The following PATJ variants were observed in gnomAD, a reference collection of about 807,000 sequenced individuals.
PATJ encodes inaD-like protein.
In PATJ, 190 loss-of-function variants were observed where a neutral mutation model predicts 224.9. The ratio of observed to expected loss-of-function variants is 0.84; its 90% confidence interval spans 0.75 to 0.95. The LOEUF is 0.95. Among genes scored for constraint, PATJ ranks in the 40% least tolerant of loss-of-function variants. The probability of loss-of-function intolerance (pLI) is 0.00; values close to 1 mark genes in which losing one functional copy is unlikely to be tolerated. For synonymous variants in PATJ, 769 were observed against 820.3 expected, an observed-to-expected ratio of 0.94 and a Z score of 1.07; for missense variants, 2,121 against 2,270.3, an observed-to-expected ratio of 0.93 and a Z score of 1.34.
chr1:62,161,152 A>T lies in PATJ; in HGVS notation c.*98A>T. ...TGAAAAGCACCCTCAACTAAAATGC[A>T]CCTTCATTCTTATTTCTTGCCCTCT... On this transcript the variant is annotated 3_prime_UTR_variant, in exon 44 of 44. Transcript: ENST00000642238. 1 of 939,374 alleles carries T rather than the reference A, an allele frequency of 1.1e-6. No individual in the cohort carries two copies. Among genetic ancestry groups the T allele is most frequent in the Non-Finnish European group, 1.4e-6 (1 of 693,378 alleles). 58.2% of individuals were successfully genotyped at this position (939,374 alleles called of 1,614,324 possible). A position where few individuals can be genotyped will look rare whatever the true frequency, so the allele number is the denominator to read the frequency against.
Position 61,791,460 on chromosome 1 carries a change from T to C in PATJ, c.1168+13T>C. The C allele has an allele frequency of 1.4e-6, 2 of 1,462,930 alleles. No individual in the cohort carries two copies. The highest frequency in any genetic ancestry group is 2.3e-5 in the South Asian group (2 of 85,526). The allele number at this position is 1,462,930 out of a possible 1,614,324, so 90.6% of individuals were successfully genotyped here. A position where few individuals can be genotyped will look rare whatever the true frequency, so the allele number is the denominator to read the frequency against. ...ACATCTCATACAGGTAAATGAATCA[T>C]TTCTATTTTATATTTGGAAATTGTA... On this transcript the variant is annotated intron_variant, in intron 9 of 43. Transcript: ENST00000642238.
At chr1:62,009,508 A>C (rs565736577) in intron 28 of PATJ, among the ~76,000 whole-genome samples, 127 of 152,294 alleles carry the variant, frequency 8.3e-4, no homozygotes, top group Non-Finnish European at 1.5e-3. Flanking sequence ...TCTCGCCTCC[A>C]TGTTGATGGT....
intron 38 of PATJ, 40 bp downstream of exon 38, chr1:62,121,335 C>T (rs76316537): frequency 9.1e-6 from 10 of 1,093,310 alleles, no homozygotes; most frequent in South Asian, 1.4e-5. Flanking sequence ...TATCCTGTTA[C>T]CCAAATTAAA....
rs1007069369 is a variant in PATJ, at chr1:62,121,232, A to G, written c.4942A>G (p.Ile1648Val). 5.6e-6 allele frequency: 9 copies of G among 1,613,892 alleles called. No homozygotes were observed. The highest frequency in any genetic ancestry group is 5.0e-5 in the Admixed American group (3 of 59,968). ...SSCHPSFAPV[I>V]TGLQNLVGTK... Reference sequence around the variant, plus strand: ...CTGTCATCCCTCCTTCGCTCCTGTCATCACTGGCCTGCAAAACCTGGTTGG... The same window carrying G: ...CTGTCATCCCTCCTTCGCTCCTGTCGTCACTGGCCTGCAAAACCTGGTTGG... The change falls in exon 38 of 44, where the codon ATC (isoleucine) becomes GTC (valine). Residue 1648 changes from isoleucine to valine, a missense_variant. Physicochemically the swap from Ile to Val is conservative, Grantham distance 29. Coordinates refer to ENST00000642238, the MANE Select transcript of PATJ (RefSeq NM_001350145.3).
At chr1:61,914,388 G>A (rs1459705197) in intron 25 of PATJ, among the ~76,000 whole-genome samples, 199 bp from the exon 26 acceptor site, 2 of 152,136 alleles carry the variant, frequency 1.3e-5, no homozygotes, top group South Asian at 2.1e-4. Context: ...CCCAGGAGGC[G>A]GAGGTTACAG....
intron 1 of PATJ, among the ~76,000 whole-genome samples, chr1:61,745,925 T>G (rs532537712): frequency 1.2e-3 from 185 of 151,156 alleles, no homozygotes; most frequent in Admixed American, 2.7e-3. Context: ...TTTTAAAAAT[T>G]TTTATTCATT....
At chr1:61,846,444 CT>C (rs1012067321) in intron 17 of PATJ, among the ~76,000 whole-genome samples, 2 of 152,128 alleles carry the variant, frequency 1.3e-5, no homozygotes, top group Non-Finnish European at 2.9e-5. Flanking sequence ...ACTAATACAA[CT>C]TTTTTCTGGA....
chr1:61,885,163 C>A (rs1320189539), intron 22 of PATJ, among the ~76,000 whole-genome samples: 1 of 152,012 alleles, frequency 6.6e-6, no homozygotes, highest in East Asian at 1.9e-4. Flanking sequence ...GCAACAAAAG[C>A]CAAAATTGAC....
chr1:62,060,516 C>T (rs1460567532), intron 31 of PATJ, among the ~76,000 whole-genome samples: 1 of 151,822 alleles, frequency 6.6e-6, no homozygotes, highest in African/African-American at 2.4e-5. Context: ...TACAGGCGCA[C>T]AGTACCATAC....
chr1:61,808,290 A>G (rs1300201200), intron 13 of PATJ, among the ~76,000 whole-genome samples, 184 bp from the exon 14 acceptor site: 2 of 152,224 alleles, frequency 1.3e-5, no homozygotes, highest in Non-Finnish European at 2.9e-5. Flanking sequence ...AACAACAACA[A>G]AAAAATCAAA....
rs116029590 is a variant in PATJ, at chr1:62,004,374, C to T, written c.3868-13482C>T. Among the ~76,000 whole-genome samples, 1,310 of 152,122 alleles carry T rather than the reference C, an allele frequency of 8.6e-3. 19 individuals are homozygous for T. Among genetic ancestry groups the T allele is most frequent in the African/African-American group, 0.03 (1,239 of 41,486 alleles). On this transcript the variant is annotated intron_variant, in intron 28 of 43. Transcript: ENST00000642238. ...AATAAATGGGTGAATATTCAACATA[C>T]CTATTATACTTTTATTGGAATATTT... is the stretch of plus-strand genomic sequence containing the variant.
intron 25 of PATJ, among the ~76,000 whole-genome samples, chr1:61,912,695 A>AGAGGG (rs1433415392): frequency 3.6e-5 from 2 of 55,864 alleles, no homozygotes; most frequent in African/African-American, 1.5e-4. Flanking sequence ...AGGGGAGGGA[A>AGAGGG]GAGGGGAGGG....
intron 33 of PATJ, among the ~76,000 whole-genome samples, chr1:62,085,842 A>G (rs1056295502): frequency 6.6e-6 from 1 of 151,094 alleles, no homozygotes; most frequent in South Asian, 2.1e-4. Context: ...AAAAAAAAAA[A>G]GGTATGCATG....
intron 27 of PATJ, among the ~76,000 whole-genome samples, chr1:61,958,704 A>G (rs1680788311): frequency 6.6e-6 from 1 of 152,166 alleles, no homozygotes; most frequent in Non-Finnish European, 1.5e-5. Context: ...TGTGATCCCC[A>G]GGGGTTACCT....
rs931049878 is a variant in PATJ, at chr1:62,114,434, T to C, written c.4655+188T>C. Reference sequence around the variant, plus strand: ...TACCAGAAAAATTGTCATATCAAGATAGAACTCCAAGTCCAATCAATCCAG... The same window carrying C: ...TACCAGAAAAATTGTCATATCAAGACAGAACTCCAAGTCCAATCAATCCAG... On this transcript the variant is annotated intron_variant, in intron 35 of 43. Transcript: ENST00000642238. 6.9e-6 allele frequency: 4 copies of C among 577,650 alleles called. 1 individual carries two copies. The highest frequency in any genetic ancestry group is 6.7e-5 in the South Asian group (3 of 44,744). 35.8% of individuals were successfully genotyped at this position (577,650 alleles called of 1,614,324 possible).
At chr1:62,156,664 C>T (rs1669253477) in intron 43 of PATJ, among the ~76,000 whole-genome samples, 1 of 151,892 alleles carries the variant, frequency 6.6e-6, no homozygotes, top group South Asian at 2.1e-4. Context: ...GCCTGTAATC[C>T]CAGCACCTTG....
At chr1:61,797,153 C>T (rs956148172) in intron 10 of PATJ, 134 bp from the exon 11 acceptor site, 27 of 969,306 alleles carry the variant, frequency 2.8e-5, no homozygotes, top group African/African-American at 8.1e-5. Context: ...GGATTACAGG[C>T]GTGAGCCACC....
chr1:61,965,885 G>C (rs1040421023), intron 27 of PATJ, among the ~76,000 whole-genome samples: 2 of 152,164 alleles, frequency 1.3e-5, no homozygotes, highest in African/African-American at 4.8e-5. Flanking sequence ...TCAGGAAGCT[G>C]TTATTATTTA....
chr1:61,786,114 C>T (rs1389206925), intron 7 of PATJ, among the ~76,000 whole-genome samples: 2 of 152,200 alleles, frequency 1.3e-5, no homozygotes, highest in Non-Finnish European at 2.9e-5. Flanking sequence ...CTCCGCCTCC[C>T]AGGTTCAAGT....
Sources: allele counts gnomAD v4.1 joint callset (sites outside exome capture counted in the v4.1 genomes callset), GRCh38; gene constraint gnomAD v4.1.1; transcripts MANE v1.5; gene names NCBI Gene and HGNC (gene_info 2026-07-23, HGNC 2026-07-21).